The following RHCE variants were observed in gnomAD, a reference collection of about 807,000 sequenced individuals.
RHCE encodes blood group Rh(CE) polypeptide.
Under a neutral mutation model 43.8 loss-of-function variants are expected in RHCE, and 22 were observed. That is an observed-to-expected ratio of 0.50 (90% CI 0.36 to 0.72). The LOEUF (loss-of-function observed/expected upper bound fraction) is 0.72. Among genes scored for constraint, RHCE ranks in the 30% least tolerant of loss-of-function variants. The pLI, the probability that RHCE is intolerant of heterozygous loss-of-function variation, is 0.00. For missense variants in RHCE, 385 were observed against 525.4 expected, an observed-to-expected ratio of 0.73 and a Z score of 2.61; for synonymous variants, 156 against 210.7, an observed-to-expected ratio of 0.74 and a Z score of 2.25.
upstream of RHCE, among the ~76,000 whole-genome samples, chr1:25,422,923 T>C (rs2042778003): frequency 6.6e-6 from 1 of 152,144 alleles, no homozygotes; most frequent in African/African-American, 2.4e-5. Flanking sequence ...GAGAATCTAA[T>C]GCCGCTGCTG....
chr1:25,386,842 A>AAAACACACACACAC (rs1557613133), intron 6 of RHCE, among the ~76,000 whole-genome samples: 2 of 138,794 alleles, frequency 1.4e-5, no homozygotes, highest in African/African-American at 5.5e-5. Context: ...ACAACAACAA[A>AAAACACACACACAC]ACACACACAC....
intron 1 of RHCE, among the ~76,000 whole-genome samples, chr1:25,410,162 G>T (rs1035760535): frequency 6.6e-6 from 1 of 152,058 alleles, no homozygotes; most frequent in African/African-American, 2.4e-5. Context: ...TTCCCAAAGT[G>T]ATGGGATTAC....
At chr1:25,417,449 A>G (rs1014398730) in intron 1 of RHCE, among the ~76,000 whole-genome samples, 25 of 152,246 alleles carry the variant, frequency 1.6e-4, no homozygotes, top group African/African-American at 5.1e-4. Flanking sequence ...GTGAACAAAA[A>G]GGAAAGGCAG....
chr1:25,418,003 C>T (rs932905454), intron 1 of RHCE, among the ~76,000 whole-genome samples: 1 of 152,112 alleles, frequency 6.6e-6, no homozygotes, highest in Non-Finnish European at 1.5e-5. Flanking sequence ...AGTCTACCAC[C>T]CACTGCTTCC....
intron 2 of RHCE, among the ~76,000 whole-genome samples, chr1:25,403,955 G>A (rs2124482009): frequency 6.6e-6 from 1 of 151,302 alleles, no homozygotes; most frequent in East Asian, 1.9e-4. Context: ...ATCACTTGAG[G>A]CCAGGGGTTC....
At chr1:25,379,822 A>G (rs1467332700) in intron 7 of RHCE, among the ~76,000 whole-genome samples, 1 of 152,080 alleles carries the variant, frequency 6.6e-6, no homozygotes, top group African/African-American at 2.4e-5. Flanking sequence ...TTACAGGCAC[A>G]TGCCACAATA....
chr1:25,425,387 G>C (rs2042797910), upstream of RHCE, among the ~76,000 whole-genome samples: 1 of 152,204 alleles, frequency 6.6e-6, no homozygotes, highest in Admixed American at 6.5e-5. Flanking sequence ...CTGCTGCTCA[G>C]AGAGGTGGCG....
At chr1:25,416,546 A>G (rs1312713098) in intron 1 of RHCE, among the ~76,000 whole-genome samples, 2 of 152,118 alleles carry the variant, frequency 1.3e-5, no homozygotes, top group African/African-American at 4.8e-5. Context: ...TACAGGCGTG[A>G]GCCACCGCAC....
Position 25,420,800 on chromosome 1 carries a change from C to T in RHCE, c.-14G>A. 1 of 1,607,512 alleles carries T rather than the reference C, an allele frequency of 6.2e-7. No individual in the cohort carries two copies. Among genetic ancestry groups the T allele is most frequent in the Non-Finnish European group, 8.5e-7 (1 of 1,177,082 alleles). On this transcript the variant is annotated 5_prime_UTR_variant, in exon 1 of 10. Transcript: ENST00000294413. ...CTTAGAGCTCATCCTGTGTCCGTCT[C>T]TGTGCAGGGGTTCCACCAGCACCAG... is the stretch of plus-strand genomic sequence containing the variant.
intron 7 of RHCE, among the ~76,000 whole-genome samples, chr1:25,379,482 TATATATATA>T (rs1557605327): frequency 2.4e-3 from 30 of 12,654 alleles, no homozygotes; most frequent in African/African-American, 0.01. Flanking sequence ...TATATATATA[TATATATATA>T]TATATTTTTT....
chr1:25,380,690 G>A (rs1230052146), intron 7 of RHCE, among the ~76,000 whole-genome samples: 1 of 152,126 alleles, frequency 6.6e-6, no homozygotes, highest in Non-Finnish European at 1.5e-5. Context: ...GGATGGCTGA[G>A]GAATGCTGCA....
intron 1 of RHCE, among the ~76,000 whole-genome samples, chr1:25,413,038 A>T (rs1235050702): frequency 2.6e-5 from 4 of 151,942 alleles, no homozygotes; most frequent in Non-Finnish European, 4.4e-5. Context: ...AAAAAGAGAG[A>T]TGAGGAAGTC....
intron 4 of RHCE, among the ~76,000 whole-genome samples, chr1:25,391,409 A>T (rs1646358304): frequency 6.6e-6 from 1 of 150,862 alleles, no homozygotes; most frequent in African/African-American, 2.4e-5. Flanking sequence ...CTGGTCTCGA[A>T]CTCCTGACCT....
chr1:25,393,583 T>C (rs1373851597), intron 3 of RHCE, among the ~76,000 whole-genome samples: 1 of 152,130 alleles, frequency 6.6e-6, no homozygotes, highest in Non-Finnish European at 1.5e-5. Flanking sequence ...ATGGCGCCAC[T>C]GCACTCCAGC....
intron 7 of RHCE, among the ~76,000 whole-genome samples, chr1:25,379,979 A>AC (rs1645944554): frequency 6.6e-6 from 1 of 151,002 alleles, no homozygotes; most frequent in South Asian, 2.1e-4. Context: ...CACTTAGACA[A>AC]CCCCCAAAGT....
intron 9 of RHCE, among the ~76,000 whole-genome samples, chr1:25,367,714 T>C (rs1401367903): frequency 7.0e-6 from 1 of 143,638 alleles, no homozygotes; most frequent in Non-Finnish European, 1.5e-5. Flanking sequence ...GGCTCATGCC[T>C]ATAATCCCAG....
intron 7 of RHCE, among the ~76,000 whole-genome samples, chr1:25,384,092 G>A (rs1300366957): frequency 1.3e-5 from 2 of 150,638 alleles, no homozygotes; most frequent in African/African-American, 4.9e-5. Context: ...GGTAGGTCTG[G>A]GGTGGGGCCG....
chr1:25,381,857 T>G (rs568732026), intron 7 of RHCE, among the ~76,000 whole-genome samples: 7 of 151,264 alleles, frequency 4.6e-5, no homozygotes, highest in Admixed American at 4.6e-4. Flanking sequence ...TTCCACATTT[T>G]CAGGAATCTG....
intron 1 of RHCE, among the ~76,000 whole-genome samples, chr1:25,414,443 C>T (rs1294147409): frequency 2.6e-5 from 4 of 152,044 alleles, no homozygotes; most frequent in Admixed American, 2.0e-4. Context: ...CTCAGGAGGC[C>T]GCCACCTCCT....
Sources: allele counts gnomAD v4.1 joint callset (sites outside exome capture counted in the v4.1 genomes callset), GRCh38; gene constraint gnomAD v4.1.1; transcripts MANE v1.5; gene names NCBI Gene and HGNC (gene_info 2026-07-23, HGNC 2026-07-21).